The following LRP4 variants were observed in gnomAD, a reference collection of about 807,000 sequenced individuals.
The protein encoded by LRP4 is low-density lipoprotein receptor-related protein 4.
LRP4 carries 95 observed loss-of-function variants against 220.3 expected under a neutral mutation model. That is an observed-to-expected ratio of 0.43 (90% CI 0.37 to 0.51). The LOEUF is 0.51. Among genes scored for constraint, LRP4 ranks in the 20% least tolerant of loss-of-function variants. The pLI is 0.00. For synonymous variants in LRP4, 903 were observed against 954.6 expected, an observed-to-expected ratio of 0.95 and a Z score of 1.00; for missense variants, 1,925 against 2,567.0, an observed-to-expected ratio of 0.75 and a Z score of 5.40.
At position 46,857,178 on chromosome 11, in the gene LRP4, G is replaced by A. The variant is rs6485701; in HGVS notation, c.*1805C>T. The A allele has an allele frequency of 0.99, 151,766 of 152,598 alleles. 75,474 individuals carry two copies. The highest frequency in any genetic ancestry group is 1 in the Middle Eastern group (294 of 294). 9.5% of individuals were successfully genotyped at this position (152,598 alleles called of 1,614,324 possible). ...TTCTACTTGCTCTTCCTCCCCAGAC[G>A]TGAGTCTAAGGACCCAAAGTGCTCA... On this transcript the variant is annotated 3_prime_UTR_variant, in exon 38 of 38. Coordinates refer to ENST00000378623, the MANE Select transcript of LRP4 (RefSeq NM_002334.4).
At chr11:46,889,715 ATGTC>A (rs1427258732) in intron 15 of LRP4, 182 bp from the exon 16 acceptor site, 7 of 880,136 alleles carry the variant, frequency 8.0e-6, no homozygotes, top group Non-Finnish European at 1.3e-5. Flanking sequence ...TGCCCTGTAA[ATGTC>A]TGCCTGAATT....
intron 19 of LRP4, among the ~76,000 whole-genome samples, chr11:46,883,062 G>A (rs1456282068): frequency 2.0e-5 from 3 of 152,130 alleles, no homozygotes; most frequent in Admixed American, 1.3e-4. Context: ...ACTTATTGCT[G>A]GAGAGTGAGA....
chr11:46,891,527 A>C (rs1304227948), intron 13 of LRP4, among the ~76,000 whole-genome samples: 1 of 152,074 alleles, frequency 6.6e-6, no homozygotes, highest in African/African-American at 2.4e-5. Context: ...AGGACCTTAT[A>C]AGATACTCCC....
Position 46,868,833 on chromosome 11 carries a change from G to A in LRP4, c.4838-120C>T, listed in dbSNP as rs963062726. 6.3e-6 allele frequency: 8 copies of A among 1,268,000 alleles called. No individual in the cohort carries two copies. The African/African-American group carries it at 1.2e-4, about 19-fold the overall frequency. The allele number at this position is 1,268,000 out of a possible 1,614,324, so 78.5% of individuals were successfully genotyped here. On this transcript the variant is annotated intron_variant, in intron 32 of 37. Transcript: ENST00000378623. ...CTCCCAGGGACAGGGGAGGAGGAGA[G>A]ATACAACCGCGAGGGAGTAAAAAGT...
intron 18 of LRP4, 76 bp downstream of exon 18, chr11:46,886,015 C>G: frequency 9.0e-6 from 11 of 1,227,954 alleles, no homozygotes; most frequent in Non-Finnish European, 1.2e-5. Flanking sequence ...ACACTGGGCT[C>G]CTTCTATCTG....
chr11:46,916,275 G>A (rs539805746), intron 1 of LRP4, among the ~76,000 whole-genome samples: 1 of 149,606 alleles, frequency 6.7e-6, no homozygotes, highest in East Asian at 2.0e-4. Context: ...CCCATCTCTA[G>A]AAAAAAAAAC....
chr11:46,862,907 A>G (rs1940596318), intron 36 of LRP4, 160 bp from the exon 37 acceptor site: 1 of 688,328 alleles, frequency 1.5e-6, no homozygotes, highest in South Asian at 1.6e-5. Context: ...TTGAGTGTGG[A>G]CTGTTCTGGT....
At chr11:46,872,312 AAAG>A (rs1197442078) in intron 30 of LRP4, among the ~76,000 whole-genome samples, 4 of 152,230 alleles carry the variant, frequency 2.6e-5, no homozygotes, top group South Asian at 4.1e-4. Flanking sequence ...GCTGAGGTTA[AAAG>A]AAGAAGGCAT....
At chr11:46,903,957 G>A (rs1309220821) in intron 1 of LRP4, among the ~76,000 whole-genome samples, 1 of 152,200 alleles carries the variant, frequency 6.6e-6, no homozygotes, top group Non-Finnish European at 1.5e-5. Context: ...CCCATGACCA[G>A]CTGCTGTGCC....
intron 1 of LRP4, among the ~76,000 whole-genome samples, chr11:46,914,673 G>C (rs966853830): frequency 2.0e-5 from 3 of 152,136 alleles, no homozygotes; most frequent in Non-Finnish European, 4.4e-5. Flanking sequence ...GACAAAACTC[G>C]TGGCTAAGCT....
At chr11:46,904,227 G>A (rs908009608) in intron 1 of LRP4, among the ~76,000 whole-genome samples, 1 of 152,176 alleles carries the variant, frequency 6.6e-6, no homozygotes, top group African/African-American at 2.4e-5. Context: ...AACAGAGAAG[G>A]AGTCAGCTCG....
intron 20 of LRP4, among the ~76,000 whole-genome samples, chr11:46,881,158 T>C (rs1044270212): frequency 4.7e-5 from 7 of 149,362 alleles, no homozygotes; most frequent in Admixed American, 1.3e-4. Flanking sequence ...GACAACATCC[T>C]TGCTTTTAGG....
At position 46,875,508 on chromosome 11, in the gene LRP4, G is replaced by T; in HGVS notation, c.3873C>A (p.Ser1291=). 1 of 1,614,152 alleles carries T rather than the reference G, an allele frequency of 6.2e-7. No individual in the cohort carries two copies. Among genetic ancestry groups the T allele is most frequent in the East Asian group, 2.2e-5 (1 of 44,876 alleles). The change falls in exon 27 of 38, where the codon TCC becomes TCA. Residue 1291 remains serine, a synonymous_variant. Transcript: ENST00000378623. The surrounding 1 kb of genome is among the most constrained non-coding windows in gnomAD (Gnocchi z 4.5). ...GCATGTCCATGAGGCCTGGCAGGTT[G>T]GACCTCACGAGGATGACATTGCTGC... The part of the protein sequence containing the change: ...GTGSNVILVR[S]NLPGLMDMQA...
chr11:46,860,974 G>C, intron 37 of LRP4: 1 of 985,052 alleles, frequency 1.0e-6, no homozygotes, highest in Non-Finnish European at 1.2e-6. Context: ...AAGACTATCA[G>C]AGGGGTGAAA....
intron 1 of LRP4, among the ~76,000 whole-genome samples, chr11:46,910,691 TGAGGTGGAGTC>T (rs1941845352): frequency 6.7e-6 from 1 of 149,898 alleles, no homozygotes; most frequent in Non-Finnish European, 1.5e-5. Flanking sequence ...TTTTTTTTTT[TGAGGTGGAGTC>T]TTGTTCTGTC....
At position 46,895,933 on chromosome 11, in the gene LRP4, A is replaced by G. The variant is rs1050387184; in HGVS notation, c.1134T>C (p.Cys378=). ...TGAGCCGGTAGCCTGTGTGGCAGGT[A>G]CACTGCACTGCCCCCCGCACCATCT... ...KCQMVRGAVQ[C]TCHTGYRLTE... The change falls in exon 10 of 38, where the codon TGT becomes TGC. Residue 378 remains cysteine, a synonymous_variant. Transcript: ENST00000378623. The G allele has an allele frequency of 1.5e-5, 24 of 1,613,942 alleles. No homozygotes were observed. Among genetic ancestry groups the G allele is most frequent in the Non-Finnish European group, 2.0e-5 (24 of 1,179,990 alleles).
At chr11:46,916,834 T>C (rs1483948483) in intron 1 of LRP4, among the ~76,000 whole-genome samples, 1 of 152,202 alleles carries the variant, frequency 6.6e-6, no homozygotes, top group Non-Finnish European at 1.5e-5. Flanking sequence ...AGCAAAGCTG[T>C]CCCTTTAAGG....
At chr11:46,897,366 TTA>T (rs1941559428) in intron 7 of LRP4, among the ~76,000 whole-genome samples, 1 of 118,530 alleles carries the variant, frequency 8.4e-6, no homozygotes, top group Non-Finnish European at 1.8e-5. Flanking sequence ...TTTTTTATTT[TTA>T]TTTTTTTTTA....
At chr11:46,898,025 G>A (rs1382603597) in intron 7 of LRP4, among the ~76,000 whole-genome samples, 221 of 138,944 alleles carry the variant, frequency 1.6e-3, no homozygotes, top group Non-Finnish European at 2.4e-3. Context: ...CCTCCCTCCC[G>A]GACGGGGCGG....
Sources: allele counts gnomAD v4.1 joint callset (sites outside exome capture counted in the v4.1 genomes callset), GRCh38; gene constraint gnomAD v4.1.1; non-coding constraint Gnocchi (gnomAD v3.1); transcripts MANE v1.5; gene names NCBI Gene and HGNC (gene_info 2026-07-23, HGNC 2026-07-21).